PCDH15: variants seen among roughly 807,000 people sequenced by gnomAD.
PCDH15 encodes protocadherin-15.
PCDH15 carries 129 observed loss-of-function variants against 178.5 expected under a neutral mutation model. The observed-to-expected ratio is 0.72, with a 90% CI of 0.63 to 0.84. PCDH15 has a LOEUF of 0.84. Ranked by LOEUF, PCDH15 falls within the 40% of genes least tolerant of loss-of-function variation. The probability of loss-of-function intolerance (pLI) is 0.00; values close to 1 mark genes in which losing one functional copy is unlikely to be tolerated. For missense variants in PCDH15, 2,230 were observed against 2,099.9 expected, an observed-to-expected ratio of 1.06 and a Z score of -1.21; for synonymous variants, 800 against 732.0, an observed-to-expected ratio of 1.09 and a Z score of -1.50.
chr10:54,845,096 C>A (rs1038516716), intron 3 of PCDH15, among the ~76,000 whole-genome samples: 2 of 151,690 alleles, frequency 1.3e-5, no homozygotes, highest in South Asian at 2.1e-4. Flanking sequence ...AGAATCAAAT[C>A]TTTTAGAAAA....
chr10:55,261,428 GGTAATCT>G (rs1161898259), intron 1 of PCDH15, among the ~76,000 whole-genome samples: 1 of 152,054 alleles, frequency 6.6e-6, no homozygotes, highest in Non-Finnish European at 1.5e-5. Context: ...ATGTTAAAAG[GGTAATCT>G]GTCTTGAAAA....
intron 2 of PCDH15, among the ~76,000 whole-genome samples, chr10:55,537,682 C>T (rs913022128): frequency 2.6e-5 from 4 of 152,182 alleles, no homozygotes; most frequent in Non-Finnish European, 2.9e-5. Flanking sequence ...GATCCACCCC[C>T]GTCGGCCTGC....
intron 2 of PCDH15, among the ~76,000 whole-genome samples, chr10:55,363,938 GT>G (rs1845292149): frequency 6.6e-6 from 1 of 152,008 alleles, no homozygotes; most frequent in Admixed American, 6.6e-5. Context: ...TGCCCAGCCT[GT>G]TTTTGTCCCC....
At chr10:54,538,657 G>A (rs777957551) in intron 2 of PCDH15, among the ~76,000 whole-genome samples, 3 of 152,144 alleles carry the variant, frequency 2.0e-5, no homozygotes, top group Non-Finnish European at 2.9e-5. Flanking sequence ...ACTGGATCAT[G>A]GGTGTAGGAT....
chr10:55,359,521 T>C (rs1249533276), intron 2 of PCDH15, among the ~76,000 whole-genome samples: 3 of 151,776 alleles, frequency 2.0e-5, no homozygotes, highest in Non-Finnish European at 2.9e-5. Context: ...TATGACAGTA[T>C]GGCATTTCCT....
intron 2 of PCDH15, among the ~76,000 whole-genome samples, chr10:55,424,508 G>T (rs922728517): frequency 6.6e-6 from 1 of 152,082 alleles, no homozygotes; most frequent in African/African-American, 2.4e-5. Context: ...TCGCAATTAG[G>T]TAACAATGCC....
At chr10:55,078,384 C>T (rs537964760) in intron 2 of PCDH15, among the ~76,000 whole-genome samples, 1 of 152,212 alleles carries the variant, frequency 6.6e-6, no homozygotes, top group South Asian at 2.1e-4. Context: ...GGGAAGTTTT[C>T]ATCTATTATT....
chr10:53,946,369 TTC>T (rs1785284996), intron 23 of PCDH15, among the ~76,000 whole-genome samples: 2 of 152,154 alleles, frequency 1.3e-5, no homozygotes, highest in African/African-American at 2.4e-5. Flanking sequence ...CCTAAAATGT[TTC>T]TGTTTTTCGT....
intron 14 of PCDH15, among the ~76,000 whole-genome samples, chr10:54,133,814 A>G (rs945268203): frequency 2.6e-5 from 4 of 152,060 alleles, no homozygotes; most frequent in Admixed American, 2.6e-4. Flanking sequence ...CTGAAAATAC[A>G]TAAGGTTAGC....
At chr10:54,901,265 G>T (rs1954634851) in intron 2 of PCDH15, among the ~76,000 whole-genome samples, 1 of 152,084 alleles carries the variant, frequency 6.6e-6, no homozygotes, top group Admixed American at 6.6e-5. Flanking sequence ...GAATGATAGA[G>T]TGAGACCCTG....
chr10:54,305,701 T>C (rs2060423428), intron 8 of PCDH15, among the ~76,000 whole-genome samples: 1 of 152,038 alleles, frequency 6.6e-6, no homozygotes, highest in Non-Finnish European at 1.5e-5. Context: ...TCATGAATTA[T>C]CTAATTCTTG....
intron 3 of PCDH15, among the ~76,000 whole-genome samples, chr10:54,415,375 A>C (rs974162703): frequency 6.6e-6 from 1 of 152,068 alleles, no homozygotes; most frequent in Non-Finnish European, 1.5e-5. Context: ...TTTTAAAAAT[A>C]GTCAATAGTT....
intron 2 of PCDH15, among the ~76,000 whole-genome samples, chr10:55,438,557 A>G (rs1262280606): frequency 6.6e-6 from 1 of 152,246 alleles, no homozygotes; most frequent in East Asian, 1.9e-4. Flanking sequence ...TTTTTCCTCT[A>G]CAAATAAGCC....
At chr10:53,915,532 G>A (rs2083458421) in intron 25 of PCDH15, among the ~76,000 whole-genome samples, 1 of 152,082 alleles carries the variant, frequency 6.6e-6, no homozygotes, top group South Asian at 2.1e-4. Context: ...GTAAATAACT[G>A]CTGTCACTAC....
At chr10:54,559,536 C>T (rs529061928) in intron 2 of PCDH15, among the ~76,000 whole-genome samples, 2 of 152,072 alleles carry the variant, frequency 1.3e-5, no homozygotes, top group South Asian at 4.1e-4. Flanking sequence ...GATTATTGCT[C>T]TGAAGATAAA....
chr10:54,246,675 G>T (rs181393220), intron 8 of PCDH15, among the ~76,000 whole-genome samples: 357 of 151,886 alleles, frequency 2.4e-3, no homozygotes, highest in African/African-American at 8.4e-3. Flanking sequence ...TTACTGATAT[G>T]ATTGCATTTG....
chr10:54,526,730 T>C (rs1274283064), intron 3 of PCDH15, among the ~76,000 whole-genome samples: 2 of 152,188 alleles, frequency 1.3e-5, no homozygotes, highest in African/African-American at 4.8e-5. Context: ...ATTTGTTTAA[T>C]CAGAGGCCAG....
intron 2 of PCDH15, among the ~76,000 whole-genome samples, chr10:54,646,070 GTT>G (rs2094123924): frequency 2.0e-5 from 3 of 152,006 alleles, no homozygotes; most frequent in African/African-American, 7.2e-5. Context: ...CACACTACAT[GTT>G]TTATCGCATG....
intron 8 of PCDH15, among the ~76,000 whole-genome samples, chr10:54,250,970 TA>T (rs1485407735): frequency 2.0e-5 from 3 of 152,176 alleles, no homozygotes; most frequent in East Asian, 1.9e-4. Context: ...TATATTAAGT[TA>T]AAAATACATA....
Sources: allele counts gnomAD v4.1 joint callset (sites outside exome capture counted in the v4.1 genomes callset), GRCh38; gene constraint gnomAD v4.1.1; transcripts MANE v1.5; gene names NCBI Gene and HGNC (gene_info 2026-07-23, HGNC 2026-07-21).